Variants in UVRAG observed in about 807,000 individuals in gnomAD.
UVRAG encodes UV radiation resistance-associated gene protein.
UVRAG carries 19 observed loss-of-function variants against 78.0 expected under a neutral mutation model. That is an observed-to-expected ratio of 0.24 (90% confidence interval 0.17 to 0.36). The LOEUF is 0.36. Among genes scored for constraint, UVRAG ranks in the 10% least tolerant of loss-of-function variants. The pLI, the probability that UVRAG is intolerant of heterozygous loss-of-function variation, is 1.00. For missense variants in UVRAG, 740 were observed against 853.8 expected (o/e 0.87, Z 1.66); for synonymous variants, 323 against 324.6 (o/e 1.00, Z 0.05).
intron 12 of UVRAG, among the ~76,000 whole-genome samples, 156 bp downstream of exon 12, chr11:76,017,136 G>A (rs1223994159): frequency 1.3e-5 from 2 of 152,100 alleles, no homozygotes; most frequent in Non-Finnish European, 2.9e-5. Context: ...GTTATTATGT[G>A]AAACTAGTTA....
intron 6 of UVRAG, among the ~76,000 whole-genome samples, chr11:75,957,417 GT>G (rs895021098): frequency 0.019 from 2,737 of 142,206 alleles, 71 homozygotes; most frequent in African/African-American, 0.065. Context: ...ATTGATCTTT[GT>G]TTTTTTTTTT....
At chr11:76,097,079 G>A (rs906398832) in intron 13 of UVRAG, among the ~76,000 whole-genome samples, 4 of 152,148 alleles carry the variant, frequency 2.6e-5, no homozygotes, top group Non-Finnish European at 5.9e-5. Context: ...GGTGATGGAG[G>A]TGGAGAGTAG....
chr11:75,828,780 C>T (rs866519195), intron 1 of UVRAG, among the ~76,000 whole-genome samples: 13 of 92,836 alleles, frequency 1.4e-4, no homozygotes, highest in South Asian at 3.0e-4. Flanking sequence ...TATATACACA[C>T]ATATATATAT....
intron 12 of UVRAG, among the ~76,000 whole-genome samples, chr11:76,046,978 C>T (rs553286700): frequency 6.6e-6 from 1 of 152,028 alleles, no homozygotes; most frequent in African/African-American, 2.4e-5. Context: ...GATAAAAAAA[C>T]ATTGATTTTT....
intron 13 of UVRAG, among the ~76,000 whole-genome samples, chr11:76,075,952 A>G (rs1951396856): frequency 6.6e-6 from 1 of 152,198 alleles, no homozygotes; most frequent in Non-Finnish European, 1.5e-5. Flanking sequence ...TTGCAGTTGG[A>G]AGATGTGTAT....
chr11:76,060,799 C>G (rs546366272), intron 12 of UVRAG, among the ~76,000 whole-genome samples: 3 of 152,254 alleles, frequency 2.0e-5, no homozygotes, highest in African/African-American at 7.2e-5. Flanking sequence ...GCTGCCTCCC[C>G]GTGGGGCAGG....
At chr11:76,082,587 A>G (rs1039519420) in intron 13 of UVRAG, among the ~76,000 whole-genome samples, 2 of 151,600 alleles carry the variant, frequency 1.3e-5, no homozygotes, top group African/African-American at 4.8e-5. Context: ...TAAACTGTAT[A>G]ACACTATTTC....
intron 14 of UVRAG, among the ~76,000 whole-genome samples, chr11:76,129,430 G>A (rs1952473366): frequency 6.6e-6 from 1 of 152,122 alleles, no homozygotes; most frequent in South Asian, 2.1e-4. Flanking sequence ...AGCTCCTAAA[G>A]GCTTAGTCCT....
chr11:76,111,677 A>G (rs1222922741), intron 13 of UVRAG, among the ~76,000 whole-genome samples: 3 of 152,178 alleles, frequency 2.0e-5, no homozygotes, highest in Non-Finnish European at 1.5e-5. Context: ...TTTCTGAGGA[A>G]AAAACAGAGG....
At chr11:76,028,425 A>G (rs1950371314) in intron 12 of UVRAG, among the ~76,000 whole-genome samples, 1 of 152,174 alleles carries the variant, frequency 6.6e-6, no homozygotes, top group African/African-American at 2.4e-5. Flanking sequence ...AAAGCTAGGA[A>G]TGATTGAGCT....
rs538697656 is a variant in UVRAG at position 76,011,842 on chromosome 11, C to A, written c.1060+2975C>A. ...AGTAAGTATTTATTGAATTCATACTCTGTGTCAGGCACTTAGAAGTTTATA... is the reference window on the plus strand; with the variant it reads ...AGTAAGTATTTATTGAATTCATACTATGTGTCAGGCACTTAGAAGTTTATA... On this transcript the variant is annotated intron_variant, in intron 11 of 14. Coordinates refer to ENST00000356136, the MANE Select transcript of UVRAG (RefSeq NM_003369.4). 9.2e-5 allele frequency among the ~76,000 whole-genome samples: 14 copies of A among 152,296 alleles called. No individual in the cohort carries two copies. In the South Asian group the frequency reaches 2.7e-3, roughly 29 times the overall value.
intron 8 of UVRAG, 62 bp downstream of exon 8, chr11:75,983,575 C>A: frequency 6.7e-7 from 1 of 1,485,404 alleles, no homozygotes; most frequent in Non-Finnish European, 9.0e-7. Flanking sequence ...CTTTCTTCTT[C>A]TTCACAAGCT....
intron 13 of UVRAG, among the ~76,000 whole-genome samples, chr11:76,113,939 A>G (rs1952129346): frequency 6.6e-6 from 1 of 152,210 alleles, no homozygotes; most frequent in South Asian, 2.1e-4. Context: ...TTTTGGTTAA[A>G]ATCAGACTTG....
chr11:75,871,992 A>G (rs1170392071), intron 3 of UVRAG, among the ~76,000 whole-genome samples: 1 of 152,256 alleles, frequency 6.6e-6, no homozygotes, highest in African/African-American at 2.4e-5. Context: ...GCCAATTAGG[A>G]ATAAACAAAT....
chr11:76,121,495 A>C (rs1192373996), intron 14 of UVRAG, among the ~76,000 whole-genome samples: 1 of 152,244 alleles, frequency 6.6e-6, no homozygotes, highest in Admixed American at 6.5e-5. Context: ...ATGCACAGGC[A>C]CCACTGATGT....
chr11:75,884,236 C>CTCTG (rs1399886380), intron 4 of UVRAG, among the ~76,000 whole-genome samples: 6 of 148,778 alleles, frequency 4.0e-5, no homozygotes, highest in African/African-American at 1.6e-4. Context: ...CTCTCTCTCT[C>CTCTG]TCTTTCTCTC....
At chr11:75,844,288 C>T (rs1945985853) in intron 1 of UVRAG, among the ~76,000 whole-genome samples, 2 of 151,300 alleles carry the variant, frequency 1.3e-5, no homozygotes, top group South Asian at 2.1e-4. Context: ...AGTGCAGTGG[C>T]ACTATCTCGG....
chr11:75,917,530 T>C (rs957542157), intron 6 of UVRAG, among the ~76,000 whole-genome samples: 2 of 152,206 alleles, frequency 1.3e-5, no homozygotes, highest in African/African-American at 4.8e-5. Context: ...AACCAACACA[T>C]CTACATGTTA....
Position 75,918,110 on chromosome 11 carries a change from T to C in UVRAG, c.593+6071T>C, listed in dbSNP as rs527455088. 3.3e-5 allele frequency among the ~76,000 whole-genome samples: 5 copies of C among 149,936 alleles called. No individual in the cohort carries two copies. The South Asian group carries it at 1.0e-3, about 31-fold the overall frequency. Reference sequence around the variant, plus strand: ...GGCTGGGTGTGGTGGCTCACGCCTGTAATCCCAGCACTTTGGGAGGCCGAG... The same window carrying C: ...GGCTGGGTGTGGTGGCTCACGCCTGCAATCCCAGCACTTTGGGAGGCCGAG... On this transcript the variant is annotated intron_variant, in intron 6 of 14. Coordinates refer to ENST00000356136, the MANE Select transcript of UVRAG (RefSeq NM_003369.4).
Sources: allele counts gnomAD v4.1 joint callset (sites outside exome capture counted in the v4.1 genomes callset), GRCh38; gene constraint gnomAD v4.1.1; transcripts MANE v1.5; gene names NCBI Gene and HGNC (gene_info 2026-07-23, HGNC 2026-07-21).